FBN2: variants seen among roughly 807,000 people sequenced by gnomAD.
FBN2 encodes the protein fibrillin-2.
FBN2 carries 105 observed loss-of-function variants against 355.6 expected under a neutral mutation model. The ratio of observed to expected loss-of-function variants is 0.30; its 90% CI spans 0.25 to 0.35. The LOEUF is 0.35. Among genes scored for constraint, FBN2 ranks in the 10% least tolerant of loss-of-function variants. The pLI is 1.00. For synonymous variants in FBN2, 1,350 were observed against 1,301.2 expected, an observed-to-expected ratio of 1.04 and a Z score of -0.81; for missense variants, 3,280 against 3,758.7, an observed-to-expected ratio of 0.87 and a Z score of 3.33.
intron 55 of FBN2, among the ~76,000 whole-genome samples, chr5:128,285,243 A>AT (rs35363766): frequency 0.14 from 21,733 of 151,712 alleles, 1,903 homozygotes; most frequent in Admixed American, 0.23. Flanking sequence ...ATTTTTATTG[A>AT]TTTTTTTTGT....
intron 38 of FBN2, 90 bp from the exon 39 acceptor site, chr5:128,311,515 G>C (rs1750056616): frequency 7.1e-7 from 1 of 1,411,686 alleles, no homozygotes; most frequent in Admixed American, 1.7e-5. Flanking sequence ...GATCTTGTAA[G>C]AATCAGATTT....
At chr5:128,333,277 G>A (rs1003065298) in intron 31 of FBN2, among the ~76,000 whole-genome samples, 1 of 152,146 alleles carries the variant, frequency 6.6e-6, no homozygotes, top group African/African-American at 2.4e-5. Flanking sequence ...AGAAGAGAGA[G>A]AGACACAGCA....
intron 6 of FBN2, among the ~76,000 whole-genome samples, chr5:128,453,086 A>T (rs1320707285): frequency 6.6e-6 from 1 of 152,232 alleles, no homozygotes; most frequent in African/African-American, 2.4e-5. Flanking sequence ...CAATCATTTA[A>T]TATGGTTTGA....
chr5:128,352,156 C>T (rs1390432738), intron 20 of FBN2, among the ~76,000 whole-genome samples: 12 of 152,160 alleles, frequency 7.9e-5, no homozygotes, highest in Admixed American at 7.9e-4. Flanking sequence ...ATAAAACCCT[C>T]ACTAATGCAT....
chr5:128,517,138 AT>A (rs1387223726), intron 5 of FBN2, among the ~76,000 whole-genome samples: 5 of 152,216 alleles, frequency 3.3e-5, no homozygotes, highest in Non-Finnish European at 7.4e-5. Flanking sequence ...ATTCTCAGAA[AT>A]TTAGTAAGGA....
intron 7 of FBN2, among the ~76,000 whole-genome samples, chr5:128,430,851 A>AAAATAAATAAAT (rs140579051): frequency 1.4e-5 from 2 of 147,756 alleles, no homozygotes; most frequent in Non-Finnish European, 1.5e-5. Context: ...CCCTGTCTCA[A>AAAATAAATAAAT]AAATAAATAA....
At chr5:128,429,392 T>G (rs1753562622) in intron 7 of FBN2, among the ~76,000 whole-genome samples, 1 of 152,202 alleles carries the variant, frequency 6.6e-6, no homozygotes, top group African/African-American at 2.4e-5. Context: ...AGTATAGCAG[T>G]ATTCCTAAAA....
In FBN2 at chr5:128,258,143, T is replaced by A. The variant is rs1296404438; in HGVS notation, c.*1312A>T. Reference sequence around the variant, plus strand: ...TGAGAGGAACAACCAGGAGCCTGCATGTGCTTTGGCCATTTCACATATGAG... The same window carrying A: ...TGAGAGGAACAACCAGGAGCCTGCAAGTGCTTTGGCCATTTCACATATGAG... On this transcript the variant is annotated 3_prime_UTR_variant, in exon 65 of 65. Coordinates refer to ENST00000262464, the MANE Select transcript of FBN2 (RefSeq NM_001999.4). 2.0e-5 allele frequency: 3 copies of A among 152,634 alleles called. No homozygotes were observed. Among genetic ancestry groups the A allele is most frequent in the Admixed American group, 1.3e-4 (2 of 15,272 alleles). The allele number at this position is 152,634 out of a possible 1,614,324, so 9.5% of individuals were successfully genotyped here. A position where few individuals can be genotyped will look rare whatever the true frequency, so the allele number is the denominator to read the frequency against.
rs1561421169 is a variant in FBN2 at position 128,367,869 on chromosome 5, C to T, written c.2248+1313G>A. ...GAACTACGTTCTCCTCATTATTTTT[C>T]TTTTTTTTTTAAAAAAAGTCACACT... is the stretch of plus-strand genomic sequence containing the variant. On this transcript the variant is annotated intron_variant, in intron 16 of 64. Coordinates refer to ENST00000262464, the MANE Select transcript of FBN2 (RefSeq NM_001999.4). Among the ~76,000 whole-genome samples, 3 of 149,090 alleles carry T rather than the reference C, an allele frequency of 2.0e-5. No homozygotes were observed. In the East Asian group the frequency reaches 5.9e-4, roughly 29 times the overall value.
At chr5:128,467,553 G>C (rs1348562936) in intron 5 of FBN2, among the ~76,000 whole-genome samples, 1 of 152,014 alleles carries the variant, frequency 6.6e-6, no homozygotes, top group Non-Finnish European at 1.5e-5. Context: ...GGACAAAAGA[G>C]TCCTTAAAAT....
intron 7 of FBN2, among the ~76,000 whole-genome samples, chr5:128,439,629 T>C (rs1753864820): frequency 6.6e-6 from 1 of 152,116 alleles, no homozygotes; most frequent in African/African-American, 2.4e-5. Flanking sequence ...TAGAAAAATT[T>C]GTCTTTCTGT....
In FBN2 at chr5:128,289,143, A is replaced by T; in HGVS notation, c.6621T>A (p.Thr2207=). ...AACACTCACCCACACAGCGTACTCC[A>T]GTGTAGTCAAGGTTGTAGCCCATTG... ...ECPMGYNLDY[T]GVRCVDTDEC... Residue 2207 remains threonine (T), a synonymous_variant, in exon 52 of 65, where the codon ACT becomes ACA. Transcript: ENST00000262464. 6.2e-7 allele frequency: 1 copy of T among 1,613,916 alleles called. No homozygotes were observed. The highest frequency in any genetic ancestry group is 1.7e-5 in the Admixed American group (1 of 60,020).
At chr5:128,287,742 C>G (rs1163642021) in intron 53 of FBN2, among the ~76,000 whole-genome samples, 1 of 152,234 alleles carries the variant, frequency 6.6e-6, no homozygotes, top group South Asian at 2.1e-4. Flanking sequence ...TGACCATGGC[C>G]TGGCAGTGCT....
chr5:128,358,955 A>G (rs1751570592), intron 19 of FBN2, among the ~76,000 whole-genome samples: 1 of 152,042 alleles, frequency 6.6e-6, no homozygotes, highest in Non-Finnish European at 1.5e-5. Context: ...TTGTTATGTT[A>G]TAAATGTCAT....
intron 36 of FBN2, among the ~76,000 whole-genome samples, chr5:128,316,218 C>T (rs1237526541): frequency 6.6e-6 from 1 of 152,174 alleles, no homozygotes; most frequent in Non-Finnish European, 1.5e-5. Context: ...TTTTATTTCA[C>T]TAATGCATGT....
intron 5 of FBN2, among the ~76,000 whole-genome samples, chr5:128,503,503 A>G (rs1237474345): frequency 6.6e-6 from 1 of 152,150 alleles, no homozygotes; most frequent in African/African-American, 2.4e-5. Context: ...GATTTGATCA[A>G]AAAGTCCAGG....
chr5:128,304,849 A>T, intron 45 of FBN2, 108 bp downstream of exon 45: 3 of 1,435,462 alleles, frequency 2.1e-6, no homozygotes, highest in South Asian at 1.2e-5. Flanking sequence ...TTTTTGCAAG[A>T]TTGTTTCTGA....
intron 36 of FBN2, among the ~76,000 whole-genome samples, chr5:128,317,812 GA>G (rs1183305741): frequency 6.6e-6 from 1 of 152,142 alleles, no homozygotes; most frequent in Non-Finnish European, 1.5e-5. Context: ...GTAGGCAGGA[GA>G]AATAGATATT....
intron 12 of FBN2, 88 bp from the exon 13 acceptor site, chr5:128,377,965 C>A (rs1581251167): frequency 9.5e-5 from 103 of 1,086,640 alleles, no homozygotes; most frequent in Middle Eastern, 2.2e-4. Flanking sequence ...TTTAAATATT[C>A]AAAATCATGT....
Sources: allele counts gnomAD v4.1 joint callset (sites outside exome capture counted in the v4.1 genomes callset), GRCh38; gene constraint gnomAD v4.1.1; transcripts MANE v1.5; gene names NCBI Gene and HGNC (gene_info 2026-07-23, HGNC 2026-07-21).